The following RXFP1 variants were observed in gnomAD, a reference collection of about 807,000 sequenced individuals.
The protein encoded by RXFP1 is relaxin family peptide receptor 1.
In RXFP1, 73 loss-of-function variants were observed where a neutral mutation model predicts 89.8. The ratio of observed to expected loss-of-function variants is 0.81; its 90% CI spans 0.67 to 0.99. RXFP1 has a LOEUF of 0.99. Ranked by LOEUF, RXFP1 falls within the 50% of genes least tolerant of loss-of-function variation. The pLI, the probability that RXFP1 is intolerant of heterozygous loss-of-function variation, is 0.00. For synonymous variants in RXFP1, 277 were observed against 305.5 expected (o/e 0.91, Z 0.97); for missense variants, 793 against 895.5 (o/e 0.89, Z 1.46).
intron 1 of RXFP1, among the ~76,000 whole-genome samples, chr4:158,534,267 G>C (rs1269986343): frequency 7.6e-6 from 1 of 130,838 alleles, no homozygotes; most frequent in African/African-American, 2.9e-5. Flanking sequence ...TTTTTTTTGA[G>C]ACAGAGTTTC....
intron 14 of RXFP1, 147 bp downstream of exon 14, chr4:158,639,478 A>T: frequency 1.7e-6 from 1 of 605,368 alleles, no homozygotes; most frequent in South Asian, 1.9e-5. Context: ...TATATATTGA[A>T]ATACTAACCC....
In RXFP1 at chr4:158,652,833, C is replaced by T. The variant is rs913950601; in HGVS notation, c.*778C>T. ...TAAACATTTACATTAGTGGAAACTC[C>T]TGAAATAAATCCTTGTATTGTCAGT... On this transcript the variant is annotated 3_prime_UTR_variant, in exon 18 of 18. Transcript: ENST00000307765. The T allele has an allele frequency of 6.6e-6, 1 of 152,156 alleles. No homozygotes were observed. Among genetic ancestry groups the T allele is most frequent in the Non-Finnish European group, 1.5e-5 (1 of 68,018 alleles). 9.4% of individuals were successfully genotyped at this position (152,156 alleles called of 1,614,324 possible). A position where few individuals can be genotyped will look rare whatever the true frequency, so the allele number is the denominator to read the frequency against.
intron 1 of RXFP1, among the ~76,000 whole-genome samples, chr4:158,567,828 TG>T (rs893393147): frequency 6.6e-6 from 1 of 152,158 alleles, no homozygotes; most frequent in Non-Finnish European, 1.5e-5. Context: ...CAGCAGGATG[TG>T]GGTGGGGCCA....
chr4:158,525,826 C>T (rs1742381758), intron 1 of RXFP1, among the ~76,000 whole-genome samples: 1 of 152,166 alleles, frequency 6.6e-6, no homozygotes, highest in African/African-American at 2.4e-5. Flanking sequence ...TTCCTGGCAC[C>T]ACTTCTTAGT....
chr4:158,540,988 A>G (rs941346071), intron 1 of RXFP1, among the ~76,000 whole-genome samples: 3 of 152,218 alleles, frequency 2.0e-5, no homozygotes, highest in African/African-American at 7.2e-5. Context: ...CATTAACAAT[A>G]TAATAGCCAC....
intron 1 of RXFP1, among the ~76,000 whole-genome samples, chr4:158,540,866 G>C (rs987817618): frequency 1.3e-5 from 2 of 152,092 alleles, no homozygotes. Context: ...CCAAAAAAAG[G>C]CAAAAGCAGG....
intron 1 of RXFP1, among the ~76,000 whole-genome samples, chr4:158,563,632 A>G (rs543662099): frequency 6.6e-5 from 10 of 152,080 alleles, no homozygotes; most frequent in Admixed American, 2.0e-4. Flanking sequence ...ATCTGCATCT[A>G]TCTGTCACAT....
intron 2 of RXFP1, among the ~76,000 whole-genome samples, chr4:158,590,754 A>C (rs1759288308): frequency 6.6e-6 from 1 of 152,204 alleles, no homozygotes; most frequent in South Asian, 2.1e-4. Context: ...GAGATGTCTG[A>C]GAGTCTGTTA....
chr4:158,619,179 G>T (rs1765144524), intron 9 of RXFP1, among the ~76,000 whole-genome samples: 1 of 152,018 alleles, frequency 6.6e-6, no homozygotes, highest in African/African-American at 2.4e-5. Context: ...AAGCACATAT[G>T]AATTACTCAA....
chr4:158,548,969 C>T (rs998437143), intron 1 of RXFP1, among the ~76,000 whole-genome samples: 4 of 151,622 alleles, frequency 2.6e-5, no homozygotes, highest in African/African-American at 9.7e-5. Flanking sequence ...GTGGCGTTCT[C>T]TGTATTTCCT....
chr4:158,622,165 G>T (rs1476006110), intron 9 of RXFP1, among the ~76,000 whole-genome samples: 4 of 152,062 alleles, frequency 2.6e-5, no homozygotes, highest in African/African-American at 9.7e-5. Context: ...ACGAAAATTA[G>T]CCGGGCATGG....
At chr4:158,593,380 G>A (rs549017444) in intron 2 of RXFP1, 21 bp from the exon 3 acceptor site, 1 of 1,525,356 alleles carries the variant, frequency 6.6e-7, no homozygotes, top group East Asian at 2.3e-5. Flanking sequence ...GAACTTTTTT[G>A]TTCTCTGATT....
Position 158,584,748 on chromosome 4 carries a change from C to G in RXFP1, c.188-8653C>G, listed in dbSNP as rs7670971. 9.7e-3 allele frequency among the ~76,000 whole-genome samples: 1,476 copies of G among 152,262 alleles called. 19 individuals carry two copies. The highest frequency in any genetic ancestry group is 0.033 in the African/African-American group (1,351 of 41,542). On this transcript the variant is annotated intron_variant, in intron 2 of 17. Coordinates refer to ENST00000307765, the MANE Select transcript of RXFP1 (RefSeq NM_021634.4). The stretch of plus-strand genomic sequence containing the variant: ...TGAAAGATGCTGAGTCCTAACCCCC[C>G]ACCCCAGAAATGCTAATCTAATAAG...
chr4:158,612,095 A>T (rs1219969987), intron 6 of RXFP1, 35 bp from the exon 7 acceptor site: 19 of 1,508,310 alleles, frequency 1.3e-5, no homozygotes, highest in Non-Finnish European at 1.6e-5. Context: ...CATCAAAAAT[A>T]TACAAATTTA....
At chr4:158,582,689 G>T (rs1448942537) in intron 2 of RXFP1, among the ~76,000 whole-genome samples, 1 of 152,206 alleles carries the variant, frequency 6.6e-6, no homozygotes, top group Non-Finnish European at 1.5e-5. Context: ...AAGCCAGAGT[G>T]TGCAATAATT....
intron 6 of RXFP1, among the ~76,000 whole-genome samples, chr4:158,611,427 C>T (rs1763557258): frequency 6.6e-6 from 1 of 152,130 alleles, no homozygotes; most frequent in Non-Finnish European, 1.5e-5. Context: ...GGATGCAATG[C>T]CCTTTTGTCC....
At chr4:158,648,457 A>C (rs1451055510) in intron 16 of RXFP1, 42 bp from the exon 17 acceptor site, 2 of 1,186,254 alleles carry the variant, frequency 1.7e-6, no homozygotes, top group Non-Finnish European at 2.4e-6. Context: ...TTTTGAAAGA[A>C]ATATTTCTAT....
intron 1 of RXFP1, among the ~76,000 whole-genome samples, chr4:158,536,939 A>T (rs1560962312): frequency 6.6e-6 from 1 of 152,006 alleles, no homozygotes; most frequent in African/African-American, 2.4e-5. Context: ...AGAATTCCAT[A>T]CTCATGGAAT....
chr4:158,546,741 T>C (rs1748530770), intron 1 of RXFP1, among the ~76,000 whole-genome samples: 1 of 152,250 alleles, frequency 6.6e-6, no homozygotes, highest in Non-Finnish European at 1.5e-5. Flanking sequence ...GTTTATATGC[T>C]GGATTACGTT....
Sources: allele counts gnomAD v4.1 joint callset (sites outside exome capture counted in the v4.1 genomes callset), GRCh38; gene constraint gnomAD v4.1.1; transcripts MANE v1.5; gene names NCBI Gene and HGNC (gene_info 2026-07-23, HGNC 2026-07-21).